RALGAPA2: variants seen among roughly 807,000 people sequenced by gnomAD.
RALGAPA2 encodes the protein Ral GTPase activating protein catalytic subunit alpha 2.
In RALGAPA2, 139 loss-of-function variants were observed where a neutral mutation model predicts 230.4. The ratio of observed to expected loss-of-function variants is 0.60; its 90% confidence interval spans 0.53 to 0.69. The LOEUF (loss-of-function observed/expected upper bound fraction) is 0.69, where lower values mean the gene tolerates loss of function less well. RALGAPA2 is among the 30% of genes least tolerant of loss of function. The pLI is 0.00. For synonymous variants in RALGAPA2, 847 were observed against 837.8 expected (o/e 1.01, Z -0.19); for missense variants, 2,163 against 2,276.0 (o/e 0.95, Z 1.01).
chr20:20,499,498 C>A (rs1164396700), intron 35 of RALGAPA2, among the ~76,000 whole-genome samples: 1 of 152,094 alleles, frequency 6.6e-6, no homozygotes, highest in African/African-American at 2.4e-5. Context: ...GATGTGTGAG[C>A]CCAGCTTAGG....
intron 3 of RALGAPA2, among the ~76,000 whole-genome samples, chr20:20,674,769 T>C (rs1333504730): frequency 2.0e-5 from 3 of 152,206 alleles, no homozygotes; most frequent in Non-Finnish European, 4.4e-5. Flanking sequence ...TCATTTCTAT[T>C]ACACTCAAAA....
intron 37 of RALGAPA2, among the ~76,000 whole-genome samples, chr20:20,431,357 G>C (rs921952442): frequency 1.3e-5 from 2 of 152,162 alleles, no homozygotes; most frequent in African/African-American, 4.8e-5. Flanking sequence ...AGGCTGGAGG[G>C]GGGAGAAGGA....
intron 1 of RALGAPA2, among the ~76,000 whole-genome samples, chr20:20,685,169 C>T (rs2068655590): frequency 6.6e-6 from 1 of 151,426 alleles, no homozygotes; most frequent in Non-Finnish European, 1.5e-5. Flanking sequence ...TTCCTTCAGA[C>T]AGGCAATCTT....
intron 35 of RALGAPA2, 25 bp from the exon 36 acceptor site, chr20:20,495,300 T>C (rs770045636): frequency 6.7e-7 from 1 of 1,499,104 alleles, no homozygotes; most frequent in South Asian, 1.4e-5. Flanking sequence ...TGACTGTTTA[T>C]TAATCAGGGT....
At chr20:20,483,377 T>TA (rs2061827198) in intron 36 of RALGAPA2, among the ~76,000 whole-genome samples, 1 of 152,198 alleles carries the variant, frequency 6.6e-6, no homozygotes, top group Admixed American at 6.5e-5. Flanking sequence ...AAGAAACTGT[T>TA]AAAGTTTCTA....
chr20:20,604,436 T>C (rs2065754951), intron 15 of RALGAPA2, among the ~76,000 whole-genome samples: 1 of 152,226 alleles, frequency 6.6e-6, no homozygotes, highest in Admixed American at 6.5e-5. Context: ...ATCTGAAGCA[T>C]TCAGAATTTC....
In RALGAPA2 at chr20:20,562,397, A is replaced by G. The variant is rs140223493; in HGVS notation, c.3156+9061T>C. 2.9e-3 allele frequency among the ~76,000 whole-genome samples: 436 copies of G among 152,282 alleles called. 2 individuals are homozygous for G. Among genetic ancestry groups the G allele is most frequent in the African/African-American group, 0.01 (421 of 41,564 alleles). ...AAAAATGTATGCCAACTGATACACG[A>G]TATCACACGGTAACAGTTTACTAAG... On this transcript the variant is annotated intron_variant, in intron 23 of 39. Transcript: ENST00000202677.
At position 20,712,519 on chromosome 20, in the gene RALGAPA2, A is replaced by G. The variant is rs940629969; in HGVS notation, c.-39T>C. 3.3e-6 allele frequency: 5 copies of G among 1,530,092 alleles called. No homozygotes were observed. The highest frequency in any genetic ancestry group is 4.4e-6 in the Non-Finnish European group (5 of 1,138,218). The allele number at this position is 1,530,092 out of a possible 1,614,324, so 94.8% of individuals were successfully genotyped here. A position where few individuals can be genotyped will look rare whatever the true frequency, so the allele number is the denominator to read the frequency against. ...GCCCGGGCCCCGCCGGCGGGGCAGT[A>G]GGCGCCTGCGCCACGCGAATCAAAG... is the stretch of plus-strand genomic sequence containing the variant. On this transcript the variant is annotated 5_prime_UTR_variant, in exon 1 of 40. Transcript: ENST00000202677. The surrounding 1 kb of genome is among the most constrained non-coding windows in gnomAD (Gnocchi z 5.5).
Position 20,392,249 on chromosome 20 carries a change from A to G in RALGAPA2, c.*1040T>C, listed in dbSNP as rs919603026. On this transcript the variant is annotated 3_prime_UTR_variant, in exon 40 of 40. Coordinates refer to ENST00000202677, the MANE Select transcript of RALGAPA2 (RefSeq NM_020343.4). ...AGCCTTCCTTGGAGCCAAATGGGCA[A>G]AAATGTAAGGATTAAATCCCTCGCT... The G allele has an allele frequency of 1.3e-5, 2 of 152,278 alleles. No homozygotes were observed. Among genetic ancestry groups the G allele is most frequent in the African/African-American group, 4.8e-5 (2 of 41,474 alleles). 9.4% of individuals were successfully genotyped at this position (152,278 alleles called of 1,614,324 possible). A position where few individuals can be genotyped will look rare whatever the true frequency, so the allele number is the denominator to read the frequency against.
At chr20:20,634,004 T>C (rs1371224448) in intron 9 of RALGAPA2, among the ~76,000 whole-genome samples, 1 of 152,216 alleles carries the variant, frequency 6.6e-6, no homozygotes, top group Non-Finnish European at 1.5e-5. Flanking sequence ...AATACTAATC[T>C]CAGTCTCATT....
At chr20:20,614,700 C>T (rs1227447645) in intron 13 of RALGAPA2, among the ~76,000 whole-genome samples, 1 of 152,196 alleles carries the variant, frequency 6.6e-6, no homozygotes, top group African/African-American at 2.4e-5. Flanking sequence ...TGAGTCCACC[C>T]TTCCCTCATC....
At chr20:20,567,761 G>C (rs1240066825) in intron 23 of RALGAPA2, among the ~76,000 whole-genome samples, 3 of 151,506 alleles carry the variant, frequency 2.0e-5, no homozygotes, top group Non-Finnish European at 2.9e-5. Context: ...GGGAGGCCAA[G>C]ACGGGAGGAC....
At chr20:20,567,298 G>A (rs929099822) in intron 23 of RALGAPA2, among the ~76,000 whole-genome samples, 1 of 152,132 alleles carries the variant, frequency 6.6e-6, no homozygotes, top group Non-Finnish European at 1.5e-5. Context: ...CCAAATCATA[G>A]GTTCTTTCAT....
intron 33 of RALGAPA2, 69 bp downstream of exon 33, chr20:20,511,185 G>C (rs1256054838): frequency 1.3e-6 from 2 of 1,533,506 alleles, no homozygotes; most frequent in Non-Finnish European, 1.7e-6. Context: ...CATTCCTGCT[G>C]TTGTATCTGT....
chr20:20,691,682 A>G (rs147982922), intron 1 of RALGAPA2, among the ~76,000 whole-genome samples: 2 of 152,298 alleles, frequency 1.3e-5, no homozygotes, highest in Admixed American at 1.3e-4. Context: ...GCAGATACCC[A>G]TGTAATCTGT....
chr20:20,555,606 T>A lies in RALGAPA2; in HGVS notation c.3157-8774A>T, dbSNP rs189212436. Among the ~76,000 whole-genome samples, 22 of 152,348 alleles carry A rather than the reference T, an allele frequency of 1.4e-4. No homozygotes were observed. The East Asian group carries it at 4.2e-3, about 29-fold the overall frequency. The stretch of plus-strand genomic sequence containing the variant: ...AAAGTCCTACAGCAAGGTTTGCAGT[T>A]TTCAGTGCAAGTCTTGGGTTAAATT... On this transcript the variant is annotated intron_variant, in intron 23 of 39. Transcript: ENST00000202677.
chr20:20,452,232 T>C (rs888882406), intron 37 of RALGAPA2, among the ~76,000 whole-genome samples: 4 of 152,372 alleles, frequency 2.6e-5, no homozygotes, highest in Non-Finnish European at 2.9e-5. Context: ...AATCGTTTCA[T>C]ACACTTTCAG....
At chr20:20,608,834 A>G (rs573507780) in intron 14 of RALGAPA2, among the ~76,000 whole-genome samples, 1 of 152,252 alleles carries the variant, frequency 6.6e-6, no homozygotes, top group African/African-American at 2.4e-5. Context: ...GCAGGGTAAG[A>G]AGAAGTCCTT....
intron 38 of RALGAPA2, among the ~76,000 whole-genome samples, chr20:20,410,853 C>T (rs1193166475): frequency 6.6e-6 from 1 of 152,198 alleles, no homozygotes; most frequent in Non-Finnish European, 1.5e-5. Context: ...TTATGCAAAT[C>T]ACGCTGCTCC....
Sources: allele counts gnomAD v4.1 joint callset (sites outside exome capture counted in the v4.1 genomes callset), GRCh38; gene constraint gnomAD v4.1.1; non-coding constraint Gnocchi (gnomAD v3.1); transcripts MANE v1.5; gene names NCBI Gene and HGNC (gene_info 2026-07-23, HGNC 2026-07-21).